The following KDM5A variants were observed in gnomAD, a reference collection of about 807,000 sequenced individuals.
KDM5A encodes the protein lysine demethylase 5A.
Under a neutral mutation model 193.5 loss-of-function variants are expected in KDM5A, and 42 were observed. The ratio of observed to expected loss-of-function variants is 0.22; its 90% CI spans 0.17 to 0.28. The LOEUF is 0.28. Among genes scored for constraint, KDM5A ranks in the 10% least tolerant of loss-of-function variants. KDM5A has a pLI of 1.00. For synonymous variants in KDM5A, 796 were observed against 718.1 expected, an observed-to-expected ratio of 1.11 and a Z score of -1.73; for missense variants, 1,692 against 2,055.1, an observed-to-expected ratio of 0.82 and a Z score of 3.42.
At chr12:326,510 A>G (rs954325191) in intron 14 of KDM5A, among the ~76,000 whole-genome samples, 5 of 152,252 alleles carry the variant, frequency 3.3e-5, no homozygotes, top group Admixed American at 2.0e-4. Flanking sequence ...TAAAGAAACA[A>G]CAGCAGCAAT....
intron 10 of KDM5A, among the ~76,000 whole-genome samples, chr12:350,254 T>C (rs1438449285): frequency 6.6e-6 from 1 of 151,956 alleles, no homozygotes; most frequent in Non-Finnish European, 1.5e-5. Flanking sequence ...CTGTCCAACA[T>C]GGTGAAACCC....
intron 3 of KDM5A, among the ~76,000 whole-genome samples, chr12:373,455 G>A (rs1272324342): frequency 6.6e-6 from 1 of 152,040 alleles, no homozygotes; most frequent in African/African-American, 2.4e-5. Flanking sequence ...ATTTTTTATT[G>A]CGTCTATTTG....
intron 5 of KDM5A, among the ~76,000 whole-genome samples, chr12:358,256 A>G (rs562854131): frequency 3.4e-4 from 52 of 152,348 alleles, no homozygotes; most frequent in African/African-American, 1.2e-3. Flanking sequence ...GCATGAAAAT[A>G]ACCCAGGATA....
intron 3 of KDM5A, among the ~76,000 whole-genome samples, chr12:372,002 C>G (rs917209298): frequency 3.3e-5 from 5 of 152,110 alleles, no homozygotes; most frequent in Non-Finnish European, 5.9e-5. Context: ...GTTACTGTAG[C>G]CTTGTAGTAT....
rs60377454 is a variant in KDM5A at position 323,210 on chromosome 12, C to CAAAAAAAAAAA, written c.2151-15_2151-5dup. ...GTCTTCTAATGGGTAGCGATATCTA[C>CAAAAAAAAAAA]AAAAAAAAAAAAAAAAAAAAAAAAA... On this transcript the variant is annotated splice_region_variant and splice_polypyrimidine_tract_variant and intron_variant, in intron 15 of 27. Transcript: ENST00000399788. 2.4e-3 allele frequency: 702 copies of CAAAAAAAAAAA among 297,088 alleles called. 17 individuals carry two copies. The highest frequency in any genetic ancestry group is 3.5e-3 in the South Asian group (93 of 26,508). 18.4% of individuals were successfully genotyped at this position (297,088 alleles called of 1,614,324 possible). A position where few individuals can be genotyped will look rare whatever the true frequency, so the allele number is the denominator to read the frequency against.
chr12:313,218 T>C, intron 19 of KDM5A, 24 bp from the exon 20 acceptor site: 3 of 1,613,024 alleles, frequency 1.9e-6, no homozygotes, highest in Non-Finnish European at 1.7e-6. Context: ...AAAAACAGAG[T>C]AGGATGCATG....
At chr12:325,748 T>A (rs1229720089) in intron 14 of KDM5A, among the ~76,000 whole-genome samples, 1 of 152,076 alleles carries the variant, frequency 6.6e-6, no homozygotes, top group East Asian at 1.9e-4. Flanking sequence ...GTGTGGTGGC[T>A]CACGCCTGTA....
chr12:323,239 A>AAAAAAAAAAAAAAAAAAACTC, intron 15 of KDM5A, 33 bp from the exon 16 acceptor site: 1 of 1,472,770 alleles, frequency 6.8e-7, no homozygotes, highest in Non-Finnish European at 9.0e-7. Context: ...AAAAAAAAAA[A>AAAAAAAAAAAAAAAAAAACTC]GAAAACAGAA....
intron 27 of KDM5A, among the ~76,000 whole-genome samples, chr12:286,418 G>A (rs1943220225): frequency 6.6e-6 from 1 of 152,174 alleles, no homozygotes; most frequent in South Asian, 2.1e-4. Context: ...TTTAAGCCTT[G>A]GACTTAAGAG....
intron 27 of KDM5A, among the ~76,000 whole-genome samples, chr12:287,254 C>T (rs972885064): frequency 1.3e-5 from 2 of 152,174 alleles, no homozygotes; most frequent in African/African-American, 4.8e-5. Context: ...ACCCTATGAA[C>T]TCAGAATATC....
At position 318,356 on chromosome 12, in the gene KDM5A, T is replaced by C. The variant is rs779954700; in HGVS notation, c.2647A>G (p.Ser883Gly). The change falls in exon 19 of 28, where the codon AGT (serine) becomes GGT (glycine). Residue 883 changes from serine to glycine, a missense_variant. Around this residue, in one of 11 missense-constraint regions of KDM5A, gnomAD observed 965 missense variants for 1,061.0 expected, o/e 0.91. Coordinates refer to ENST00000399788, the MANE Select transcript of KDM5A (RefSeq NM_001042603.3). ...AATTCAGGGAGTTCCACATAGAGAC[T>C]AGAGCCCATATCTATCAACATCTGG... ...KLQMLIDMGS[S>G]LYVELPELPR... 4.3e-6 allele frequency: 7 copies of C among 1,613,994 alleles called. No homozygotes were observed. The African/African-American group carries it at 9.3e-5, about 22-fold the overall frequency.
intron 22 of KDM5A, 61 bp downstream of exon 22, chr12:309,742 T>C: frequency 5.2e-6 from 8 of 1,549,304 alleles, no homozygotes; most frequent in Non-Finnish European, 7.1e-6. Context: ...GTGAGTCTGC[T>C]AATATCTCTA....
rs748304819 is a variant in KDM5A at position 297,205 on chromosome 12, A to G, written c.4075-5T>C. The G allele has an allele frequency of 3.1e-6, 5 of 1,613,750 alleles. No homozygotes were observed. Among genetic ancestry groups the G allele is most frequent in the Non-Finnish European group, 4.2e-6 (5 of 1,179,818 alleles). ...GGACTTCACACTGGCTGTGTCCTGA[A>G]GAAGAAACAAAGAGAAGTATTCAGA... On this transcript the variant is annotated splice_region_variant and splice_polypyrimidine_tract_variant and intron_variant, in intron 24 of 27. Coordinates refer to ENST00000399788, the MANE Select transcript of KDM5A (RefSeq NM_001042603.3).
chr12:331,677 A>G, intron 13 of KDM5A, 142 bp downstream of exon 13: 3 of 812,906 alleles, frequency 3.7e-6, no homozygotes, highest in Middle Eastern at 2.4e-4. Context: ...TTAGCTTTCT[A>G]AACTACAATA....
intron 10 of KDM5A, among the ~76,000 whole-genome samples, chr12:343,671 G>A (rs1944034999): frequency 6.6e-6 from 1 of 152,208 alleles, no homozygotes; most frequent in Admixed American, 6.5e-5. Flanking sequence ...GCAGCTGAGG[G>A]TCCTGACTGT....
At chr12:318,487 T>A in intron 18 of KDM5A, 26 bp from the exon 19 acceptor site, 1 of 1,549,984 alleles carries the variant, frequency 6.5e-7, no homozygotes, top group Non-Finnish European at 8.9e-7. Flanking sequence ...GAAATAAAAA[T>A]CAGAAAAACA....
rs1449096082 is a variant in KDM5A at position 282,193 on chromosome 12, C to T, written c.*3263G>A. The T allele has an allele frequency of 4.0e-6, 1 of 248,664 alleles. No individual in the cohort carries two copies. Among genetic ancestry groups the T allele is most frequent in the Non-Finnish European group, 7.9e-6 (1 of 126,448 alleles). 15.4% of individuals were successfully genotyped at this position (248,664 alleles called of 1,614,324 possible). A position where few individuals can be genotyped will look rare whatever the true frequency, so the allele number is the denominator to read the frequency against. ...AAAAAAAGAGAGAGACAGACAGACA[C>T]ATGGGGTCTCGCTGTTGACCAGGCG... On this transcript the variant is annotated 3_prime_UTR_variant, in exon 28 of 28. Coordinates refer to ENST00000399788, the MANE Select transcript of KDM5A (RefSeq NM_001042603.3).
chr12:342,634 AT>A (rs201881035), intron 10 of KDM5A, among the ~76,000 whole-genome samples: 2,072 of 151,802 alleles, frequency 0.014, 49 homozygotes, highest in African/African-American at 0.046. Context: ...TAATTTTTGT[AT>A]TTTTTTAGTA....
In KDM5A at chr12:364,656, G is replaced by A. The variant is rs1290092831; in HGVS notation, c.537+1278C>T. ...AAAAATTCTGTGGGCGTGGTGGTGG[G>A]CACCTGTAGTCCCAGCTACTCGGGA... On this transcript the variant is annotated intron_variant, in intron 4 of 27. Transcript: ENST00000399788. Among the ~76,000 whole-genome samples the A allele has an allele frequency of 5.4e-5, 8 of 149,500 alleles. No homozygotes were observed. The East Asian group carries it at 1.6e-3, about 30-fold the overall frequency.
Sources: gnomAD v4.1 joint callset for allele counts (sites outside exome capture counted in the v4.1 genomes callset) on GRCh38, gnomAD v4.1.1 for gene constraint, gnomAD v4.1.1 regional missense constraint, MANE v1.5 for transcripts, NCBI Gene and HGNC (gene_info 2026-07-23, HGNC 2026-07-21) for gene names.